Variants in FBXW7 observed in about 807,000 individuals in gnomAD.
FBXW7 encodes F-box and WD repeat domain containing 7, also known as F-box/WD repeat-containing protein 7.
In FBXW7, 11 loss-of-function variants were observed where a neutral mutation model predicts 86.3. That is an observed-to-expected ratio of 0.13 (90% CI 0.08 to 0.21). FBXW7 has a LOEUF of 0.21. Among genes scored for constraint, FBXW7 ranks in the 10% least tolerant of loss-of-function variants. The pLI is 1.00. For synonymous variants in FBXW7, 313 were observed against 297.9 expected (o/e 1.05, Z -0.52); for missense variants, 488 against 847.4 (o/e 0.58, Z 5.27).
At chr4:152,446,999 T>C (rs1741463015) in intron 2 of FBXW7, among the ~76,000 whole-genome samples, 1 of 152,182 alleles carries the variant, frequency 6.6e-6, no homozygotes, top group African/African-American at 2.4e-5. Flanking sequence ...TTACAAATAC[T>C]AGTGTTTAAA....
intron 4 of FBXW7, among the ~76,000 whole-genome samples, chr4:152,409,870 G>T (rs1737773226): frequency 6.6e-6 from 1 of 151,920 alleles, no homozygotes; most frequent in African/African-American, 2.4e-5. Context: ...GACAATAATT[G>T]TTATTCATGA....
At chr4:152,470,254 T>C (rs1194614751) in intron 2 of FBXW7, among the ~76,000 whole-genome samples, 1 of 152,136 alleles carries the variant, frequency 6.6e-6, no homozygotes, top group African/African-American at 2.4e-5. Flanking sequence ...CTAGACCATG[T>C]AAAGAATGAG....
chr4:152,496,933 A>G (rs1169465204), intron 2 of FBXW7, among the ~76,000 whole-genome samples: 1 of 152,228 alleles, frequency 6.6e-6, no homozygotes, highest in Non-Finnish European at 1.5e-5. Context: ...ACAATATTGT[A>G]AAGACATGAA....
intron 2 of FBXW7, among the ~76,000 whole-genome samples, chr4:152,532,140 T>C (rs911027047): frequency 6.6e-6 from 1 of 152,250 alleles, no homozygotes; most frequent in African/African-American, 2.4e-5. Context: ...GTATATTACC[T>C]GCTAAACTAT....
At chr4:152,333,828 T>G (rs1463730312) in intron 7 of FBXW7, among the ~76,000 whole-genome samples, 1 of 151,902 alleles carries the variant, frequency 6.6e-6, no homozygotes, top group Non-Finnish European at 1.5e-5. Flanking sequence ...CCGAGGTGGG[T>G]GGATCACTTG....
At chr4:152,375,898 T>C (rs549416689) in intron 4 of FBXW7, among the ~76,000 whole-genome samples, 1 of 152,228 alleles carries the variant, frequency 6.6e-6, no homozygotes, top group Admixed American at 6.5e-5. Context: ...TGGTTAAATT[T>C]ATGCATAACG....
intron 4 of FBXW7, among the ~76,000 whole-genome samples, chr4:152,397,532 TATTCTTTTAACTGAAC>T (rs967659711): frequency 6.6e-5 from 10 of 151,818 alleles, no homozygotes; most frequent in African/African-American, 2.4e-4. Flanking sequence ...CTCATATTTT[TATTCTTTTAACTGAAC>T]ATTAACACCT....
chr4:152,379,644 A>G (rs1055504641), intron 4 of FBXW7, among the ~76,000 whole-genome samples: 10 of 152,216 alleles, frequency 6.6e-5, no homozygotes, highest in East Asian at 3.9e-4. Context: ...TTGGCCCCCA[A>G]AGTGTTGGGA....
intron 12 of FBXW7, chr4:152,325,801 A>C (rs1411998412): frequency 5.8e-6 from 3 of 517,652 alleles, no homozygotes; most frequent in South Asian, 6.3e-5. Flanking sequence ...TAGAGGAGAA[A>C]TAGATCACAG....
At chr4:152,469,456 A>G (rs996776865) in intron 2 of FBXW7, among the ~76,000 whole-genome samples, 1 of 152,146 alleles carries the variant, frequency 6.6e-6, no homozygotes, top group African/African-American at 2.4e-5. Context: ...AAAATTTTTC[A>G]TATTTTAAGC....
In FBXW7 at chr4:152,405,670, G is replaced by A. The variant is rs1230002317; in HGVS notation, c.501+5633C>T. ...AAGCCCAAGCAAAAATGCTCTTAAC[G>A]TTTTTAAACACTGACCCTCCAATTT... On this transcript the variant is annotated intron_variant, in intron 4 of 13. Coordinates refer to ENST00000281708, the MANE Select transcript of FBXW7 (RefSeq NM_001349798.2). 6.6e-5 allele frequency among the ~76,000 whole-genome samples: 10 copies of A among 152,118 alleles called. No individual in the cohort carries two copies. In the East Asian group the frequency reaches 1.9e-3, roughly 29 times the overall value.
In FBXW7 at chr4:152,322,041, G is replaced by GA. The variant is rs1225145675; in HGVS notation, c.*839dup. On this transcript the variant is annotated 3_prime_UTR_variant, in exon 14 of 14. Transcript: ENST00000281708. ...AGTCTGGGACTAAAACGTCACAGCAGAAAAAAAATAAAAAAAAATAATTTG... is the reference window on the plus strand; with the variant it reads ...AGTCTGGGACTAAAACGTCACAGCAGAAAAAAAAATAAAAAAAAATAATTTG... The GA allele has an allele frequency of 2.7e-4, 62 of 231,670 alleles. No homozygotes were observed. The highest frequency in any genetic ancestry group is 4.9e-4 in the Non-Finnish European group (57 of 117,326). 14.4% of individuals were successfully genotyped at this position (231,670 alleles called of 1,614,324 possible). A position where few individuals can be genotyped will look rare whatever the true frequency, so the allele number is the denominator to read the frequency against.
chr4:152,521,268 A>T (rs1218716217), intron 2 of FBXW7, among the ~76,000 whole-genome samples: 2 of 152,206 alleles, frequency 1.3e-5, no homozygotes, highest in Non-Finnish European at 2.9e-5. Flanking sequence ...AACTAATTCT[A>T]GTTATATTAA....
At chr4:152,469,038 G>T (rs530202560) in intron 2 of FBXW7, among the ~76,000 whole-genome samples, 1 of 152,026 alleles carries the variant, frequency 6.6e-6, no homozygotes, top group South Asian at 2.1e-4. Flanking sequence ...ACCTACTGTA[G>T]TTACTATAAA....
intron 2 of FBXW7, among the ~76,000 whole-genome samples, chr4:152,519,318 AT>A (rs1748796397): frequency 6.6e-6 from 1 of 152,066 alleles, no homozygotes; most frequent in African/African-American, 2.4e-5. Flanking sequence ...AAATAAATAA[AT>A]AAAGAAAGAA....
At chr4:152,418,263 T>C (rs1188748090) in intron 2 of FBXW7, among the ~76,000 whole-genome samples, 1 of 151,592 alleles carries the variant, frequency 6.6e-6, no homozygotes, top group African/African-American at 2.4e-5. Context: ...TACTTAAACA[T>C]TAATGGCTGT....
At chr4:152,449,209 G>T (rs79403306) in intron 2 of FBXW7, among the ~76,000 whole-genome samples, 2,082 of 152,254 alleles carry the variant, frequency 0.014, 26 homozygotes, top group Middle Eastern at 0.037. Flanking sequence ...CTCACAGTAA[G>T]AATAATCAAC....
intron 2 of FBXW7, among the ~76,000 whole-genome samples, chr4:152,496,220 G>A (rs552333610): frequency 6.6e-6 from 1 of 152,188 alleles, no homozygotes; most frequent in African/African-American, 2.4e-5. Flanking sequence ...GCAAGATTGA[G>A]AGATACAAAA....
intron 4 of FBXW7, among the ~76,000 whole-genome samples, chr4:152,377,043 C>T (rs1200346449): frequency 6.6e-6 from 1 of 152,096 alleles, no homozygotes; most frequent in Non-Finnish European, 1.5e-5. Flanking sequence ...TTTGTATTGT[C>T]TCATAGAAAC....
Sources: allele counts gnomAD v4.1 joint callset (sites outside exome capture counted in the v4.1 genomes callset), GRCh38; gene constraint gnomAD v4.1.1; transcripts MANE v1.5; gene names NCBI Gene and HGNC (gene_info 2026-07-23, HGNC 2026-07-21).